Variants in RPS6KA6 observed in about 807,000 individuals in gnomAD.
The protein encoded by RPS6KA6 is ribosomal protein S6 kinase A6, also known as ribosomal protein S6 kinase alpha-6.
RPS6KA6 carries 27 observed loss-of-function variants against 65.4 expected under a neutral mutation model. That is an observed-to-expected ratio of 0.41 (90% confidence interval 0.30 to 0.57). The LOEUF (loss-of-function observed/expected upper bound fraction) is 0.57. Among genes scored for constraint, RPS6KA6 ranks in the 20% least tolerant of loss-of-function variants. RPS6KA6 has a pLI of 0.24. For missense variants in RPS6KA6, 486 were observed against 555.6 expected, an observed-to-expected ratio of 0.87 and a Z score of 1.26; for synonymous variants, 190 against 184.2, an observed-to-expected ratio of 1.03 and a Z score of -0.26.
rs186511800 is a variant in RPS6KA6 at position 84,150,828 on chromosome X, T to G, written c.259-2705A>C. The stretch of plus-strand genomic sequence containing the variant: ...AGAGGATATATATAGGATATATATA[T>G]AGAGAGGATATATATAGGATATATA... On this transcript the variant is annotated intron_variant, in intron 3 of 21. Transcript: ENST00000262752. Among the ~76,000 whole-genome samples the G allele has an allele frequency of 7.1e-3, 707 of 99,267 alleles. 6 individuals carry two copies. The highest frequency in any genetic ancestry group is 0.03 in the Middle Eastern group (5 of 164). The allele number at this position is 99,267 out of a possible 115,157, so 86.2% of individuals were successfully genotyped here. A position where few individuals can be genotyped will look rare whatever the true frequency, so the allele number is the denominator to read the frequency against.
At chrX:84,170,860 C>T (rs980147232) in intron 1 of RPS6KA6, among the ~76,000 whole-genome samples, 7 of 110,671 alleles carry the variant, frequency 6.3e-5, no homozygotes, top group Admixed American at 5.8e-4. Flanking sequence ...ATGGCAAAGG[C>T]GATGAGATTT....
intron 3 of RPS6KA6, among the ~76,000 whole-genome samples, chrX:84,151,792 A>C (rs1044788861): frequency 2.7e-5 from 3 of 112,176 alleles, no homozygotes; most frequent in Non-Finnish European, 5.6e-5. Context: ...TAAACTGCAT[A>C]TGTAATAAAA....
chrX:84,105,477 T>A (rs182546201), intron 16 of RPS6KA6, among the ~76,000 whole-genome samples: 101 of 111,352 alleles, frequency 9.1e-4, no homozygotes, highest in African/African-American at 3.2e-3. Flanking sequence ...TCCTGTATCT[T>A]CTGTATTGAT....
chrX:84,112,235 G>A (rs1014154102), intron 12 of RPS6KA6, among the ~76,000 whole-genome samples: 1 of 111,279 alleles, frequency 9.0e-6, no homozygotes, highest in Non-Finnish European at 1.9e-5. Flanking sequence ...ATAATAGTGG[G>A]GGACTTCAAT....
chrX:84,084,391 G>C, intron 20 of RPS6KA6, among the ~76,000 whole-genome samples: 1 of 111,962 alleles, frequency 8.9e-6, no homozygotes, highest in South Asian at 3.7e-4. Context: ...TTTTGTATAA[G>C]GTGTATGGAA....
Position 84,092,148 on chromosome X carries a change from C to T in RPS6KA6, c.1971+4046G>A, listed in dbSNP as rs140398003. Among the ~76,000 whole-genome samples, 141 of 110,988 alleles carry T rather than the reference C, an allele frequency of 1.3e-3. No individual in the cohort carries two copies. The East Asian group carries it at 0.016, about 13-fold the overall frequency. ...AGCAAACCACCATGGCACACGTTTACCTATGTAACAAATCTGCACATCCTG... is the reference window on the plus strand; with the variant it reads ...AGCAAACCACCATGGCACACGTTTATCTATGTAACAAATCTGCACATCCTG... On this transcript the variant is annotated intron_variant, in intron 20 of 21. Transcript: ENST00000262752.
At chrX:84,085,974 G>A (rs914480591) in intron 20 of RPS6KA6, among the ~76,000 whole-genome samples, 2 of 111,456 alleles carry the variant, frequency 1.8e-5, no homozygotes, top group African/African-American at 3.3e-5. Flanking sequence ...TTTATTCTCT[G>A]GTGGTTGTTT....
intron 1 of RPS6KA6, among the ~76,000 whole-genome samples, chrX:84,164,686 G>A (rs1397046289): frequency 9.0e-6 from 1 of 111,285 alleles, no homozygotes; most frequent in Admixed American, 9.6e-5. Flanking sequence ...TCATTAAATT[G>A]TCCCCAACCA....
chrX:84,157,212 G>A (rs1200293793), intron 2 of RPS6KA6, among the ~76,000 whole-genome samples: 2 of 111,248 alleles, frequency 1.8e-5, no homozygotes, highest in South Asian at 7.5e-4. Context: ...AGGTAGTCAG[G>A]CATTCACTAT....
intron 1 of RPS6KA6, among the ~76,000 whole-genome samples, chrX:84,184,783 C>T (rs186312903): frequency 2.4e-5 from 2 of 84,467 alleles, no homozygotes; most frequent in African/African-American, 9.1e-5. Context: ...TCCAGGAGTT[C>T]GAGGCCAGCC....
intron 20 of RPS6KA6, among the ~76,000 whole-genome samples, chrX:84,086,232 T>A (rs1178558748): frequency 8.9e-6 from 1 of 111,743 alleles, no homozygotes; most frequent in African/African-American, 3.3e-5. Flanking sequence ...GTTCTCTAGT[T>A]CTTTCTGTTG....
At chrX:84,146,247 T>C (rs2035197119) in intron 5 of RPS6KA6, among the ~76,000 whole-genome samples, 1 of 111,291 alleles carries the variant, frequency 9.0e-6, no homozygotes, top group Non-Finnish European at 1.9e-5. Context: ...AAAAGAATAA[T>C]GGGTGGAAAT....
In RPS6KA6 at chrX:84,064,278, T is replaced by C. The variant is rs753410618; in HGVS notation, c.2237A>G (p.Ter746=). The C allele has an allele frequency of 6.6e-6, 8 of 1,208,004 alleles. No homozygotes were observed. Among genetic ancestry groups the C allele is most frequent in the Non-Finnish European group, 9.0e-6 (8 of 893,632 alleles). ...SMKKRTSTGL[*] ...TTTGGCCTAGGAACACCACAAATCT[T>C]ACAGGCCAGTTGATGTTCGCTTTTT... is the stretch of plus-strand genomic sequence containing the variant. The change falls in exon 22 of 22, where the codon TAA becomes TGA. Residue 746 remains the stop codon, a stop_retained_variant. Transcript: ENST00000262752.
intron 1 of RPS6KA6, among the ~76,000 whole-genome samples, chrX:84,171,521 T>G (rs1181776675): frequency 2.7e-5 from 3 of 111,889 alleles, no homozygotes; most frequent in African/African-American, 9.8e-5. Context: ...TACTAGTAAG[T>G]GACCCAGGAC....
chrX:84,155,503 T>A (rs1162228097), intron 3 of RPS6KA6, among the ~76,000 whole-genome samples: 1 of 112,165 alleles, frequency 8.9e-6, no homozygotes, highest in African/African-American at 3.2e-5. Flanking sequence ...TAAACAACTT[T>A]AGTAACGACT....
At chrX:84,167,320 A>G (rs2035612962) in intron 1 of RPS6KA6, among the ~76,000 whole-genome samples, 1 of 112,153 alleles carries the variant, frequency 8.9e-6, no homozygotes, top group South Asian at 3.7e-4. Flanking sequence ...TCTTCAACTG[A>G]TGAGTGGATA....
At chrX:84,072,186 C>T (rs755084900) in intron 20 of RPS6KA6, among the ~76,000 whole-genome samples, 1 of 111,646 alleles carries the variant, frequency 9.0e-6, no homozygotes, top group East Asian at 2.8e-4. Context: ...AGTTCAACAG[C>T]ACATTAAAAA....
chrX:84,108,268 C>T (rs1487673372), intron 12 of RPS6KA6, among the ~76,000 whole-genome samples: 2 of 111,493 alleles, frequency 1.8e-5, no homozygotes, highest in Admixed American at 1.9e-4. Flanking sequence ...AGCTTACAGT[C>T]CCACAGTGGG....
intron 20 of RPS6KA6, among the ~76,000 whole-genome samples, chrX:84,081,314 C>T (rs1305939073): frequency 8.9e-6 from 1 of 111,760 alleles, no homozygotes; most frequent in Non-Finnish European, 1.9e-5. Context: ...GAAATACAAA[C>T]AACCATCAGA....
Sources: allele counts gnomAD v4.1 joint callset (sites outside exome capture counted in the v4.1 genomes callset), GRCh38; gene constraint gnomAD v4.1.1; transcripts MANE v1.5; gene names NCBI Gene and HGNC (gene_info 2026-07-23, HGNC 2026-07-21).